ACE: variants seen among roughly 807,000 people sequenced by gnomAD.
ACE encodes angiotensin I converting enzyme.
A neutral mutation model predicts 162.3 loss-of-function variants in ACE; 122 were observed. That is an observed-to-expected ratio of 0.75 (90% CI 0.65 to 0.87). The LOEUF (loss-of-function observed/expected upper bound fraction) is 0.87. Ranked by LOEUF, ACE falls within the 40% of genes least tolerant of loss-of-function variation. The pLI is 0.00. For missense variants in ACE, 1,799 were observed against 1,735.1 expected, an observed-to-expected ratio of 1.04 and a Z score of -0.65; for synonymous variants, 796 against 720.6, an observed-to-expected ratio of 1.10 and a Z score of -1.68.
rs188993222 is a variant in ACE at position 63,486,664 on chromosome 17, G to C, written c.2166G>C (p.Lys722Asn). Residue 722 changes from lysine (K) to asparagine (N), a missense_variant, in exon 14 of 25, where the codon AAG becomes AAC. Lys to Asn is a moderately conservative substitution (Grantham distance 94). Coordinates refer to ENST00000290866, the MANE Select transcript of ACE (RefSeq NM_000789.4). ...ACACCACTATCAAGCGGATCATAAAGAAGGTTCAGGACCTAGAACGGGCAG... is the reference window on the plus strand; with the variant it reads ...ACACCACTATCAAGCGGATCATAAACAAGGTTCAGGACCTAGAACGGGCAG... ...LQNTTIKRIIKKVQDLERAAL... is the reference protein window; with the variant it reads ...LQNTTIKRIINKVQDLERAAL... 6 of 1,614,240 alleles carry C rather than the reference G, an allele frequency of 3.7e-6. No homozygotes were observed. The Admixed American group carries it at 1.0e-4, about 27-fold the overall frequency.
At position 63,484,764 on chromosome 17, in the gene ACE, C is replaced by G; in HGVS notation, c.1921+223C>G. 1 of 1,472,432 alleles carries G rather than the reference C, an allele frequency of 6.8e-7. No homozygotes were observed. Among genetic ancestry groups the G allele is most frequent in the Non-Finnish European group, 9.0e-7 (1 of 1,114,122 alleles). 91.2% of individuals were successfully genotyped at this position (1,472,432 alleles called of 1,614,324 possible). ...GTGTGCTCAGACCTGAGGGCCCCTC[C>G]CCTTCCAGAGGAAGCCAGACACAAG... On this transcript the variant is annotated intron_variant, in intron 12 of 24. Transcript: ENST00000290866. The surrounding 1 kb of genome is among the most constrained non-coding windows in gnomAD (Gnocchi z 4.0).
chr17:63,478,976 A>T, intron 2 of ACE, 31 bp from the exon 3 acceptor site: 1 of 1,580,162 alleles, frequency 6.3e-7, no homozygotes. Context: ...GGGGCTGGTC[A>T]CTGGAGCATT....
At position 63,485,594 on chromosome 17, in the gene ACE, G is replaced by A. The variant is rs142534935; in HGVS notation, c.2058+222G>A. ...AGATCAAGACCATCCTGGCTAACACGGTGAAACCCCATCTCTAGTAAAAAT... is the reference window on the plus strand; with the variant it reads ...AGATCAAGACCATCCTGGCTAACACAGTGAAACCCCATCTCTAGTAAAAAT... On this transcript the variant is annotated intron_variant, in intron 13 of 24. Transcript: ENST00000290866. 823 of 543,322 alleles carry A rather than the reference G, an allele frequency of 1.5e-3. 5 individuals carry two copies. The highest frequency in any genetic ancestry group is 0.014 in the African/African-American group (755 of 52,824). The allele number at this position is 543,322 out of a possible 1,614,324, so 33.7% of individuals were successfully genotyped here.
chr17:63,483,635 C>T (rs1327412503), intron 10 of ACE, 77 bp downstream of exon 10: 1 of 1,367,594 alleles, frequency 7.3e-7, no homozygotes, highest in East Asian at 2.5e-5. Context: ...ATCCTAGCTG[C>T]CTCATCCCCA....
rs2029861655 is a variant in ACE at position 63,484,095 on chromosome 17, G to A, written c.1709+124G>A. 6.9e-7 allele frequency: 1 copy of A among 1,456,902 alleles called. No homozygotes were observed. Among genetic ancestry groups the A allele is most frequent in the Non-Finnish European group, 9.2e-7 (1 of 1,085,078 alleles). The allele number at this position is 1,456,902 out of a possible 1,614,324, so 90.2% of individuals were successfully genotyped here. The stretch of plus-strand genomic sequence containing the variant: ...CCAACCACAGAGCTGGACTGATGTG[G>A]ATGCCTGTCTCCTCGCTATGTCATC... On this transcript the variant is annotated intron_variant, in intron 11 of 24. Coordinates refer to ENST00000290866, the MANE Select transcript of ACE (RefSeq NM_000789.4). The surrounding 1 kb of genome is among the most constrained non-coding windows in gnomAD (Gnocchi z 4.0).
intron 10 of ACE, 100 bp from the exon 11 acceptor site, chr17:63,483,749 G>A (rs2029861285): frequency 2.5e-6 from 4 of 1,595,490 alleles, no homozygotes; most frequent in Non-Finnish European, 3.4e-6. Flanking sequence ...ATAGCTTCTG[G>A]TCCAGCCTCT....
At position 63,482,631 on chromosome 17, in the gene ACE, C is replaced by G; in HGVS notation, c.1284C>G (p.Val428=). 6.2e-7 allele frequency: 1 copy of G among 1,614,058 alleles called. No individual in the cohort carries two copies. The highest frequency in any genetic ancestry group is 8.5e-7 in the Non-Finnish European group (1 of 1,179,996). Residue 428 remains valine, a synonymous_variant, in exon 8 of 25, where the codon GTC becomes GTG. Coordinates refer to ENST00000290866, the MANE Select transcript of ACE (RefSeq NM_000789.4). The part of the protein sequence containing the change: ...EAIGDVLALS[V]STPEHLHKIG... ...TTGGGGACGTGCTGGCGCTCTCGGT[C>G]TCCACTCCTGAACATCTGCACAAAA...
chr17:63,483,568 C>CGGGGCGGG lies in ACE; in HGVS notation c.1586+10_1586+11insGGGGCGGG. The CGGGGCGGG allele has an allele frequency of 6.3e-7, 1 of 1,585,842 alleles. No individual in the cohort carries two copies. The highest frequency in any genetic ancestry group is 8.6e-7 in the Non-Finnish European group (1 of 1,159,950). On this transcript the variant is annotated intron_variant, in intron 10 of 24. Transcript: ENST00000290866. Reference sequence around the variant, plus strand: ...TGACACCATACATCAGGTATTAGCGCCCCCACCCCACCCACCCCCAGTACT... The same window carrying CGGGGCGGG: ...TGACACCATACATCAGGTATTAGCGCGGGGCGGGCCCCACCCCACCCACCCCCAGTACT...
chr17:63,477,613 C>T, intron 1 of ACE: 1 of 397,760 alleles, frequency 2.5e-6, no homozygotes, highest in Non-Finnish European at 4.5e-6. Context: ...CTGGGGCCCC[C>T]GCGCTCTCGG....
intron 8 of ACE, 103 bp from the exon 9 acceptor site, chr17:63,482,926 A>G: frequency 7.7e-7 from 1 of 1,300,922 alleles, no homozygotes; most frequent in South Asian, 1.2e-5. Flanking sequence ...CCTTCTCTGC[A>G]TCTCCCTGGC....
intron 13 of ACE, 166 bp downstream of exon 13, chr17:63,485,538 T>G: frequency 1.1e-6 from 1 of 935,222 alleles, no homozygotes; most frequent in Non-Finnish European, 1.6e-6. Flanking sequence ...CCCAGCACTT[T>G]GGGAGGGGGA....
intron 15 of ACE, 108 bp downstream of exon 15, chr17:63,487,181 A>T: frequency 2.2e-6 from 2 of 927,894 alleles, no homozygotes; most frequent in Non-Finnish European, 3.5e-6. Flanking sequence ...TCTTGGGGTC[A>T]GCGTGCCCAG....
chr17:63,490,792 C>A, intron 17 of ACE, 162 bp from the exon 18 acceptor site: 1 of 718,224 alleles, frequency 1.4e-6, no homozygotes. Flanking sequence ...GATATGCACA[C>A]CAAAGATGAT....
intron 7 of ACE, 25 bp downstream of exon 7, chr17:63,481,763 C>T (rs1302924827): frequency 6.2e-7 from 1 of 1,613,796 alleles, no homozygotes; most frequent in African/African-American, 1.3e-5. Context: ...AGAGCACGTT[C>T]TGGGGTTCCC....
At position 63,486,959 on chromosome 17, in the gene ACE, G is replaced by A; in HGVS notation, c.2218-27G>A. 3.8e-6 allele frequency: 6 copies of A among 1,590,362 alleles called. No individual in the cohort carries two copies. The Middle Eastern group carries it at 6.6e-4, about 176-fold the overall frequency. ...GAGAGACCAAGTGCAAAGGAGTACA[G>A]CTCATTGCCTCTCCTTCCTCCTGCA... On this transcript the variant is annotated intron_variant, in intron 14 of 24. Transcript: ENST00000290866.
At chr17:63,493,135 T>C (rs34539177) in intron 19 of ACE, among the ~76,000 whole-genome samples, 1 of 152,238 alleles carries the variant, frequency 6.6e-6, no homozygotes, top group Non-Finnish European at 1.5e-5. Flanking sequence ...AATGTCCCAG[T>C]GCCTCTAGAG....
Position 63,486,969 on chromosome 17 carries a change from T to C in ACE, c.2218-17T>C. 6.2e-7 allele frequency: 1 copy of C among 1,606,696 alleles called. No homozygotes were observed. The highest frequency in any genetic ancestry group is 8.5e-7 in the Non-Finnish European group (1 of 1,173,490). ...GTGCAAAGGAGTACAGCTCATTGCC[T>C]CTCCTTCCTCCTGCAGTACAACAAG... On this transcript the variant is annotated splice_polypyrimidine_tract_variant and intron_variant, in intron 14 of 24. Coordinates refer to ENST00000290866, the MANE Select transcript of ACE (RefSeq NM_000789.4).
intron 21 of ACE, 94 bp from the exon 22 acceptor site, chr17:63,494,278 C>A (rs2030588419): frequency 7.5e-7 from 1 of 1,328,764 alleles, no homozygotes; most frequent in East Asian, 2.4e-5. Context: ...CCCAGTATAG[C>A]CCCAAGTGCA....
At chr17:63,485,515 T>C in intron 13 of ACE, 143 bp downstream of exon 13, 1 of 1,202,498 alleles carries the variant, frequency 8.3e-7, no homozygotes, top group Non-Finnish European at 1.2e-6. Flanking sequence ...GCGCGGTGGC[T>C]CACGCCTGTA....
Sources: gnomAD v4.1 joint callset for allele counts (sites outside exome capture counted in the v4.1 genomes callset) on GRCh38, gnomAD v4.1.1 for gene constraint, Gnocchi (gnomAD v3.1) non-coding constraint, MANE v1.5 for transcripts, NCBI Gene and HGNC (gene_info 2026-07-23, HGNC 2026-07-21) for gene names.